SLC16A10: variants seen among roughly 807,000 people sequenced by gnomAD.
SLC16A10 encodes solute carrier family 16 member 10.
In SLC16A10, 27 loss-of-function variants were observed where a neutral mutation model predicts 40.0. The ratio of observed to expected loss-of-function variants is 0.67; its 90% CI spans 0.50 to 0.93. The LOEUF is 0.93. Among genes scored for constraint, SLC16A10 ranks in the 40% least tolerant of loss-of-function variants. The probability of loss-of-function intolerance (pLI) is 0.00; values close to 1 mark genes in which losing one functional copy is unlikely to be tolerated. For missense variants in SLC16A10, 529 were observed against 658.2 expected (o/e 0.80, Z 2.15); for synonymous variants, 213 against 249.8 (o/e 0.85, Z 1.39).
At chr6:111,179,676 C>G (rs1772753945) in intron 3 of SLC16A10, among the ~76,000 whole-genome samples, 2 of 152,192 alleles carry the variant, frequency 1.3e-5, no homozygotes, top group Admixed American at 1.3e-4. Flanking sequence ...AGATGGTGCA[C>G]AGAACAATAA....
intron 1 of SLC16A10, among the ~76,000 whole-genome samples, chr6:111,088,553 C>CG (rs370241874): frequency 1.3e-5 from 2 of 151,940 alleles, no homozygotes; most frequent in Admixed American, 6.6e-5. Flanking sequence ...GTTGGCGGGG[C>CG]GGGGGGTGGA....
chr6:111,107,069 C>T (rs1041455407), intron 1 of SLC16A10, among the ~76,000 whole-genome samples: 3 of 151,798 alleles, frequency 2.0e-5, no homozygotes, highest in Non-Finnish European at 4.4e-5. Context: ...TTGAACTAGT[C>T]GACATTGTTT....
chr6:111,105,746 C>T (rs1449634540), intron 1 of SLC16A10, among the ~76,000 whole-genome samples: 2 of 152,172 alleles, frequency 1.3e-5, no homozygotes, highest in Admixed American at 6.5e-5. Flanking sequence ...TGTGTGCGGG[C>T]GTGTGTGTTG....
intron 1 of SLC16A10, among the ~76,000 whole-genome samples, chr6:111,105,163 A>C (rs1417054760): frequency 6.6e-6 from 1 of 152,152 alleles, no homozygotes. Flanking sequence ...GTTCTAGACC[A>C]AGAGACTGTG....
At chr6:111,157,450 A>AT (rs1358016196) in intron 1 of SLC16A10, among the ~76,000 whole-genome samples, 21 of 151,922 alleles carry the variant, frequency 1.4e-4, no homozygotes, top group Non-Finnish European at 1.5e-5. Context: ...CGCCCAGCTA[A>AT]TTTTTTGTAT....
At chr6:111,119,544 G>C (rs1162286802) in intron 1 of SLC16A10, among the ~76,000 whole-genome samples, 1 of 152,146 alleles carries the variant, frequency 6.6e-6, no homozygotes, top group South Asian at 2.1e-4. Flanking sequence ...ACCATGTTTT[G>C]CCTGCAGGGC....
At chr6:111,172,169 C>G (rs1440646796) in intron 1 of SLC16A10, among the ~76,000 whole-genome samples, 1 of 152,156 alleles carries the variant, frequency 6.6e-6, no homozygotes, top group Non-Finnish European at 1.5e-5. Flanking sequence ...GGGAAGTAAC[C>G]TGACCAAGAA....
chr6:111,141,859 G>C (rs1771988880), intron 1 of SLC16A10, among the ~76,000 whole-genome samples: 1 of 152,176 alleles, frequency 6.6e-6, no homozygotes. Context: ...GTAATGTCAA[G>C]ATGTCAGTCC....
chr6:111,087,549 C>A lies in SLC16A10; in HGVS notation c.-204C>A, dbSNP rs1770887674. 9.3e-6 allele frequency: 2 copies of A among 214,414 alleles called. No homozygotes were observed. The highest frequency in any genetic ancestry group is 1.2e-4 in the Admixed American group (2 of 17,254). The allele number at this position is 214,414 out of a possible 1,614,324, so 13.3% of individuals were successfully genotyped here. On this transcript the variant is annotated 5_prime_UTR_variant, in exon 1 of 6. Coordinates refer to ENST00000368851, the MANE Select transcript of SLC16A10 (RefSeq NM_018593.5). ...ACCTAGAGGCTTCAGTGTCGATCCC[C>A]GAGGTGTTCGCGCGCGCCAGCTGTC...
intron 1 of SLC16A10, among the ~76,000 whole-genome samples, chr6:111,154,021 T>C (rs1772223844): frequency 6.6e-6 from 1 of 152,196 alleles, no homozygotes; most frequent in Admixed American, 6.5e-5. Flanking sequence ...ATTAGGAAAG[T>C]ATTTTTCCTG....
chr6:111,156,463 A>C (rs561871008), intron 1 of SLC16A10, among the ~76,000 whole-genome samples: 3 of 152,316 alleles, frequency 2.0e-5, no homozygotes, highest in Admixed American at 6.5e-5. Context: ...ATATAATGGG[A>C]TGAAATGGCA....
intron 4 of SLC16A10, among the ~76,000 whole-genome samples, chr6:111,213,775 C>A: frequency 6.6e-6 from 1 of 152,202 alleles, no homozygotes; most frequent in East Asian, 1.9e-4. Context: ...ACACTGGCCT[C>A]TGTGTGCTTC....
intron 1 of SLC16A10, among the ~76,000 whole-genome samples, chr6:111,159,382 TGC>T (rs770938827): frequency 1.7e-4 from 26 of 152,210 alleles, no homozygotes; most frequent in Non-Finnish European, 3.5e-4. Flanking sequence ...TGTGCACATG[TGC>T]AAAATTTCTC....
At chr6:111,144,364 C>T (rs755350365) in intron 1 of SLC16A10, among the ~76,000 whole-genome samples, 10 of 152,128 alleles carry the variant, frequency 6.6e-5, no homozygotes, top group Non-Finnish European at 8.8e-5. Context: ...CTGCTATGCC[C>T]GGCTAATTTT....
intron 4 of SLC16A10, among the ~76,000 whole-genome samples, chr6:111,209,285 A>G (rs1773305355): frequency 6.6e-6 from 1 of 152,184 alleles, no homozygotes; most frequent in Non-Finnish European, 1.5e-5. Flanking sequence ...AGGCAGGAAG[A>G]ACCAAGGCAG....
At chr6:111,130,530 T>A (rs1771762663) in intron 1 of SLC16A10, among the ~76,000 whole-genome samples, 1 of 152,134 alleles carries the variant, frequency 6.6e-6, no homozygotes, top group Non-Finnish European at 1.5e-5. Context: ...GCACTAGACA[T>A]TCTGTTATGT....
At chr6:111,118,937 C>T (rs565699381) in intron 1 of SLC16A10, among the ~76,000 whole-genome samples, 58 of 152,132 alleles carry the variant, frequency 3.8e-4, no homozygotes, top group Non-Finnish European at 7.2e-4. Context: ...AAAGTAGGAA[C>T]AGGACCAAAA....
intron 1 of SLC16A10, among the ~76,000 whole-genome samples, chr6:111,145,944 A>C (rs192813924): frequency 1.5e-3 from 233 of 152,358 alleles, no homozygotes; most frequent in African/African-American, 5.4e-3. Flanking sequence ...CACAAACAAC[A>C]ACAAAATAGA....
intron 1 of SLC16A10, among the ~76,000 whole-genome samples, chr6:111,117,146 C>T (rs536643042): frequency 7.2e-5 from 11 of 151,910 alleles, no homozygotes; most frequent in East Asian, 1.9e-4. Context: ...GTCAGGAGAT[C>T]GAGACCATCC....
Sources: gnomAD v4.1 joint callset for allele counts (sites outside exome capture counted in the v4.1 genomes callset) on GRCh38, gnomAD v4.1.1 for gene constraint, MANE v1.5 for transcripts, NCBI Gene and HGNC (gene_info 2026-07-23, HGNC 2026-07-21) for gene names.